LIX1L: variants seen among roughly 807,000 people sequenced by gnomAD.
The protein encoded by LIX1L is limb and CNS expressed 1 like, also known as LIX1-like protein.
LIX1L carries 20 observed loss-of-function variants against 34.0 expected under a neutral mutation model. The observed-to-expected ratio is 0.59, with a 90% CI of 0.41 to 0.85. LIX1L has a LOEUF of 0.85. LIX1L is among the 40% of genes least tolerant of loss of function. The probability of loss-of-function intolerance (pLI) is 0.00; values close to 1 mark genes in which losing one functional copy is unlikely to be tolerated. For synonymous variants in LIX1L, 170 were observed against 187.4 expected, an observed-to-expected ratio of 0.91 and a Z score of 0.76; for missense variants, 397 against 447.0, an observed-to-expected ratio of 0.89 and a Z score of 1.01.
intron 3 of LIX1L, 28 bp downstream of exon 3, chr1:145,942,685 T>C: frequency 6.2e-7 from 1 of 1,610,806 alleles, no homozygotes; most frequent in South Asian, 1.1e-5. Context: ...TCTCCCACTC[T>C]CCTTCCTTCC....
rs782152483 is a variant in LIX1L, at chr1:145,942,794, A to G, written c.516T>C (p.Ser172=). Residue 172 remains serine, a synonymous_variant, in exon 3 of 6, where the codon TCT becomes TCC. Coordinates refer to ENST00000604000, the MANE Select transcript of LIX1L (RefSeq NM_153713.3). ...TTCGGGAAGGATGTTCATTAAACACAGAATTCATTAGCGCAATCTTTGCAG... is the reference window on the plus strand; with the variant it reads ...TTCGGGAAGGATGTTCATTAAACACGGAATTCATTAGCGCAATCTTTGCAG... The part of the protein sequence containing the change: ...RSAAKIALMN[S]VFNEHPSRRI... 3 of 1,614,154 alleles carry G rather than the reference A, an allele frequency of 1.9e-6. No homozygotes were observed. The highest frequency in any genetic ancestry group is 1.3e-5 in the African/African-American group (1 of 75,070).
chr1:145,939,406 A>G (rs1325484054), intron 3 of LIX1L, among the ~76,000 whole-genome samples: 2 of 151,440 alleles, frequency 1.3e-5, no homozygotes, highest in Non-Finnish European at 2.9e-5. Context: ...CCTGGGTTCA[A>G]GCGATTTTCC....
At chr1:145,953,345 G>A (rs1388838829) in intron 1 of LIX1L, among the ~76,000 whole-genome samples, 2 of 152,084 alleles carry the variant, frequency 1.3e-5, no homozygotes, top group African/African-American at 4.8e-5. Flanking sequence ...TTTGTGGTGG[G>A]GAAGCAGGAA....
chr1:145,947,794 A>G lies in LIX1L; in HGVS notation c.293-12T>C. On this transcript the variant is annotated splice_polypyrimidine_tract_variant and intron_variant, in intron 1 of 5. Coordinates refer to ENST00000604000, the MANE Select transcript of LIX1L (RefSeq NM_153713.3). ...CTCCACCACATTCACTACAAAAGAG[A>G]AGTACTTAAGTTCAGCAATGAATGA... 1 of 1,613,374 alleles carries G rather than the reference A, an allele frequency of 6.2e-7. No individual in the cohort carries two copies. The highest frequency in any genetic ancestry group is 1.1e-5 in the South Asian group (1 of 91,066).
Position 145,945,977 on chromosome 1 carries a change from G to A in LIX1L, c.456+1642C>T, listed in dbSNP as rs1423037076. ...AAATTAGCTAGGCGTGGTGGCATGCGCCTCTAGTCCTAGCTACTGGGGAAG... is the reference window on the plus strand; with the variant it reads ...AAATTAGCTAGGCGTGGTGGCATGCACCTCTAGTCCTAGCTACTGGGGAAG... On this transcript the variant is annotated intron_variant, in intron 2 of 5. Coordinates refer to ENST00000604000, the MANE Select transcript of LIX1L (RefSeq NM_153713.3). 2.7e-5 allele frequency among the ~76,000 whole-genome samples: 4 copies of A among 148,592 alleles called. No individual in the cohort carries two copies. The East Asian group carries it at 8.1e-4, about 30-fold the overall frequency.
In LIX1L at chr1:145,936,043, G is replaced by A. The variant is rs1310831624; in HGVS notation, c.*267C>T. The A allele has an allele frequency of 2.3e-6, 1 of 426,900 alleles. No homozygotes were observed. The highest frequency in any genetic ancestry group is 2.0e-5 in the African/African-American group (1 of 49,232). The allele number at this position is 426,900 out of a possible 1,614,324, so 26.4% of individuals were successfully genotyped here. ...ACTGAAATGGCTACACAGTTAATCT[G>A]GAAGTTTAAGAGCTAACAAAGCTGC... On this transcript the variant is annotated 3_prime_UTR_variant, in exon 6 of 6. Coordinates refer to ENST00000604000, the MANE Select transcript of LIX1L (RefSeq NM_153713.3).
At position 145,936,988 on chromosome 1, in the gene LIX1L, G is replaced by A. The variant is rs1553757908; in HGVS notation, c.694-3C>T. ...AGTTGAAAAACTGTCATTAGCTCCTGGGGGAAGAGGATAGGAAGTACCAGG... is the reference window on the plus strand; with the variant it reads ...AGTTGAAAAACTGTCATTAGCTCCTAGGGGAAGAGGATAGGAAGTACCAGG... On this transcript the variant is annotated splice_polypyrimidine_tract_variant and splice_region_variant and intron_variant, in intron 4 of 5. Transcript: ENST00000604000. The A allele has an allele frequency of 1.2e-6, 2 of 1,605,088 alleles. No individual in the cohort carries two copies. Among genetic ancestry groups the A allele is most frequent in the South Asian group, 2.2e-5 (2 of 90,888 alleles).
intron 3 of LIX1L, 125 bp from the exon 4 acceptor site, chr1:145,937,824 T>G: frequency 1.5e-6 from 1 of 652,998 alleles, no homozygotes; most frequent in Non-Finnish European, 2.8e-6. Flanking sequence ...TCTGCCACAT[T>G]AAAGTAAAAA....
At position 145,957,787 on chromosome 1, in the gene LIX1L, C is replaced by T. The variant is rs782060831; in HGVS notation, c.141G>A (p.Pro47=). The change falls in exon 1 of 6, where the codon CCG becomes CCA. Residue 47 remains proline (P), a synonymous_variant. Coordinates refer to ENST00000604000, the MANE Select transcript of LIX1L (RefSeq NM_153713.3). Reference sequence around the variant, plus strand: ...GCGGCGGCGGGGGCGGTGCGGGAGGCGGCGGGGCAGGCGGGGGGCCCGCAG... The same window carrying T: ...GCGGCGGCGGGGGCGGTGCGGGAGGTGGCGGGGCAGGCGGGGGGCCCGCAG... ...TPPAGPPPAP[P]PPAPPPPPLL... is the part of the protein sequence containing the mutation. 2.0e-5 allele frequency: 27 copies of T among 1,340,994 alleles called. No homozygotes were observed. Among genetic ancestry groups the T allele is most frequent in the Non-Finnish European group, 2.6e-5 (27 of 1,053,020 alleles). 83.1% of individuals were successfully genotyped at this position (1,340,994 alleles called of 1,614,324 possible).
intron 3 of LIX1L, among the ~76,000 whole-genome samples, chr1:145,939,122 C>T (rs1648779963): frequency 6.6e-6 from 1 of 151,230 alleles, no homozygotes; most frequent in African/African-American, 2.4e-5. Flanking sequence ...GGATCACAGT[C>T]AAGTGCCTCC....
Position 145,957,658 on chromosome 1 carries a change from C to A in LIX1L, c.270G>T (p.Lys90Asn). 1.3e-6 allele frequency: 2 copies of A among 1,542,262 alleles called. No individual in the cohort carries two copies. Among genetic ancestry groups the A allele is most frequent in the Middle Eastern group, 2.3e-4 (1 of 4,414 alleles). ...AVEAVVRSFA[K>N]HTQGYGRVNV... Reference sequence around the variant, plus strand: ...CACCTCGGCCATAGCCCTGCGTGTGCTTGGCGAAGCTCCTCACCACGGCCT... The same window carrying A: ...CACCTCGGCCATAGCCCTGCGTGTGATTGGCGAAGCTCCTCACCACGGCCT... The change falls in exon 1 of 6, where the codon AAG becomes AAT. Residue 90 changes from lysine (K) to asparagine (N), a missense_variant. Around this residue, in one of 3 missense-constraint regions of LIX1L, gnomAD observed 207 missense variants for 205.2 expected, o/e 1.01. Coordinates refer to ENST00000604000, the MANE Select transcript of LIX1L (RefSeq NM_153713.3).
intron 2 of LIX1L, among the ~76,000 whole-genome samples, chr1:145,944,266 G>A (rs1241818219): frequency 6.6e-6 from 1 of 151,552 alleles, no homozygotes; most frequent in African/African-American, 2.4e-5. Flanking sequence ...AGGTTGAGGT[G>A]GAAGGATCAC....
In LIX1L at chr1:145,954,061, T is replaced by TA. The variant is rs782203618; in HGVS notation, c.292+3574dup. 1.3e-3 allele frequency among the ~76,000 whole-genome samples: 186 copies of TA among 140,430 alleles called. 1 individual carries two copies. The highest frequency in any genetic ancestry group is 2.0e-3 in the African/African-American group (75 of 38,404). 92.1% of individuals were successfully genotyped at this position (140,430 alleles called of 152,430 possible). A position where few individuals can be genotyped will look rare whatever the true frequency, so the allele number is the denominator to read the frequency against. On this transcript the variant is annotated intron_variant, in intron 1 of 5. Transcript: ENST00000604000. ...GGCAACACAGCGAGATTCCATTTCT[T>TA]AAAAAAAAAAAAAGGAGGCATATTT...
chr1:145,956,707 A>G (rs1389827841), intron 1 of LIX1L, among the ~76,000 whole-genome samples: 1 of 152,208 alleles, frequency 6.6e-6, no homozygotes, highest in African/African-American at 2.4e-5. Flanking sequence ...CCAGGCTTAA[A>G]TTCTGTATTC....
intron 1 of LIX1L, among the ~76,000 whole-genome samples, chr1:145,951,281 A>G (rs1649291007): frequency 6.6e-6 from 1 of 152,182 alleles, no homozygotes; most frequent in African/African-American, 2.4e-5. Flanking sequence ...TCCTGACCTT[A>G]GGTGATCCAC....
Position 145,951,749 on chromosome 1 carries a change from C to T in LIX1L, c.293-3967G>A, listed in dbSNP as rs144902538. On this transcript the variant is annotated intron_variant, in intron 1 of 5. Transcript: ENST00000604000. ...CAGTTTAGCACAATGCACTGGGTGA[C>T]AGCTCTCTTGACATGCACACAACAG... 2.6e-5 allele frequency among the ~76,000 whole-genome samples: 4 copies of T among 152,230 alleles called. No homozygotes were observed. In the East Asian group the frequency reaches 7.7e-4, roughly 29 times the overall value.
rs1479966668 is a variant in LIX1L, at chr1:145,935,109, G to A, written c.*1201C>T. The A allele has an allele frequency of 3.3e-5, 5 of 151,454 alleles. No individual in the cohort carries two copies. Among genetic ancestry groups the A allele is most frequent in the Non-Finnish European group, 7.3e-5 (5 of 68,062 alleles). The allele number at this position is 151,454 out of a possible 1,614,324, so 9.4% of individuals were successfully genotyped here. A position where few individuals can be genotyped will look rare whatever the true frequency, so the allele number is the denominator to read the frequency against. The stretch of plus-strand genomic sequence containing the variant: ...TTGAACCCTGGAGGCAGAGGTTGCA[G>A]TGAGCCGAGATCACGCCACTGCACT... On this transcript the variant is annotated 3_prime_UTR_variant, in exon 6 of 6. Coordinates refer to ENST00000604000, the MANE Select transcript of LIX1L (RefSeq NM_153713.3).
chr1:145,958,007 C>G lies in LIX1L; in HGVS notation c.-80G>C. On this transcript the variant is annotated 5_prime_UTR_variant, in exon 1 of 6. Coordinates refer to ENST00000604000, the MANE Select transcript of LIX1L (RefSeq NM_153713.3). ...TCCCAACCACCCCAGTCAGCTAGCG[C>G]CTGGGGACTCAGGGCGGTGCCAGGG... The G allele has an allele frequency of 9.9e-7, 1 of 1,011,602 alleles. No homozygotes were observed. The highest frequency in any genetic ancestry group is 1.7e-5 in the African/African-American group (1 of 58,952). The allele number at this position is 1,011,602 out of a possible 1,614,324, so 62.7% of individuals were successfully genotyped here. A position where few individuals can be genotyped will look rare whatever the true frequency, so the allele number is the denominator to read the frequency against.
In LIX1L at chr1:145,957,775, C is replaced by A. The variant is rs1649536457; in HGVS notation, c.153G>T (p.Pro51=). Residue 51 remains proline, a synonymous_variant, in exon 1 of 6, where the codon CCG becomes CCT. Coordinates refer to ENST00000604000, the MANE Select transcript of LIX1L (RefSeq NM_153713.3). Reference sequence around the variant, plus strand: ...CAGACAGGAGCAGCGGCGGCGGGGGCGGTGCGGGAGGCGGCGGGGCAGGCG... The same window carrying A: ...CAGACAGGAGCAGCGGCGGCGGGGGAGGTGCGGGAGGCGGCGGGGCAGGCG... ...GPPPAPPPPA[P]PPPPLLLSGA... The A allele has an allele frequency of 1.5e-6, 2 of 1,341,470 alleles. No homozygotes were observed. Among genetic ancestry groups the A allele is most frequent in the Admixed American group, 4.1e-5 (1 of 24,652 alleles). The allele number at this position is 1,341,470 out of a possible 1,614,324, so 83.1% of individuals were successfully genotyped here.
Sources: gnomAD v4.1 joint callset for allele counts (sites outside exome capture counted in the v4.1 genomes callset) on GRCh38, gnomAD v4.1.1 for gene constraint, gnomAD v4.1.1 regional missense constraint, MANE v1.5 for transcripts, NCBI Gene and HGNC (gene_info 2026-07-23, HGNC 2026-07-21) for gene names.